DARS2: variants seen among roughly 807,000 people sequenced by gnomAD.
DARS2 encodes the protein aspartate--tRNA ligase, mitochondrial.
Under a neutral mutation model 83.0 loss-of-function variants are expected in DARS2, and 63 were observed. The observed-to-expected ratio is 0.76, with a 90% CI of 0.62 to 0.94. The LOEUF is 0.94. Among genes scored for constraint, DARS2 ranks in the 40% least tolerant of loss-of-function variants. The pLI is 0.00. For synonymous variants in DARS2, 250 were observed against 269.3 expected (o/e 0.93, Z 0.70); for missense variants, 675 against 774.4 (o/e 0.87, Z 1.52).
chr1:173,846,925 TA>T (rs1366995176), intron 12 of DARS2, among the ~76,000 whole-genome samples: 4 of 152,134 alleles, frequency 2.6e-5, no homozygotes, highest in Non-Finnish European at 5.9e-5. Context: ...TTCTAAGACT[TA>T]ATAGAGGAAA....
chr1:173,842,343 G>A (rs1653261877), intron 11 of DARS2, among the ~76,000 whole-genome samples: 1 of 120,076 alleles, frequency 8.3e-6, no homozygotes, highest in Non-Finnish European at 1.6e-5. Flanking sequence ...CTGTCGCCCA[G>A]GCTGGAGTGC....
rs1176316362 is a variant in DARS2, at chr1:173,856,849, A to C, written c.1750+108A>C. 7.7e-6 allele frequency: 6 copies of C among 779,426 alleles called. No homozygotes were observed. In the African/African-American group the frequency reaches 1.0e-4, roughly 14 times the overall value. 48.3% of individuals were successfully genotyped at this position (779,426 alleles called of 1,614,324 possible). ...GTGGAAGGATGAGTCCAAGAGTTCC[A>C]TGAGAATGTAAGTTTCTGTTGAAAT... On this transcript the variant is annotated intron_variant, in intron 16 of 16. Coordinates refer to ENST00000649689, the MANE Select transcript of DARS2 (RefSeq NM_018122.5).
At chr1:173,852,910 A>G (rs958262483) in intron 13 of DARS2, among the ~76,000 whole-genome samples, 2 of 152,154 alleles carry the variant, frequency 1.3e-5, no homozygotes, top group African/African-American at 4.8e-5. Flanking sequence ...CAACCCTTCA[A>G]GAGAAGTGAG....
chr1:173,851,746 G>GT (rs1346157076), intron 13 of DARS2: 1 of 722,280 alleles, frequency 1.4e-6, no homozygotes, highest in Non-Finnish European at 1.7e-6. Context: ...TTAGTATATA[G>GT]TTTTTTCAAA....
intron 11 of DARS2, among the ~76,000 whole-genome samples, chr1:173,842,211 C>T (rs370727659): frequency 7.0e-6 from 1 of 143,576 alleles, no homozygotes; most frequent in African/African-American, 2.6e-5. Context: ...TTTTGAAAGT[C>T]TATACTCATT....
In DARS2 at chr1:173,834,981, C is replaced by T. The variant is rs142827628; in HGVS notation, c.663+462C>T. Among the ~76,000 whole-genome samples, 346 of 151,142 alleles carry T rather than the reference C, an allele frequency of 2.3e-3. 8 individuals are homozygous for T. In the East Asian group the frequency reaches 0.053, roughly 23 times the overall value. On this transcript the variant is annotated intron_variant, in intron 7 of 16. Coordinates refer to ENST00000649689, the MANE Select transcript of DARS2 (RefSeq NM_018122.5). ...TACTTTAGTAGAGACGGAGTTTCAC[C>T]GTTTTGGCCAGGCTGGTCTCGAACA...
chr1:173,837,164 G>A (rs1653035580), intron 8 of DARS2, 118 bp downstream of exon 8: 3 of 922,378 alleles, frequency 3.3e-6, no homozygotes, highest in Non-Finnish European at 3.4e-6. Context: ...ATGAGAGTTT[G>A]GAGAATACTT....
At chr1:173,853,078 T>A (rs2102661953) in intron 13 of DARS2, among the ~76,000 whole-genome samples, 1 of 152,318 alleles carries the variant, frequency 6.6e-6, no homozygotes, top group African/African-American at 2.4e-5. Context: ...CACACTGAGA[T>A]TCAGACCCAG....
At chr1:173,853,965 GTGTTGT>G (rs971806969) in intron 15 of DARS2, 60 bp downstream of exon 15, 3 of 1,444,964 alleles carry the variant, frequency 2.1e-6, no homozygotes, top group Non-Finnish European at 2.9e-6. Flanking sequence ...TTTCAGTTTT[GTGTTGT>G]TGTTGTTGTT....
chr1:173,852,213 G>T (rs1313415358), intron 13 of DARS2: 1 of 985,298 alleles, frequency 1.0e-6, no homozygotes, highest in African/African-American at 1.7e-5. Flanking sequence ...CTAGGCATAT[G>T]TCACTGTTCT....
intron 12 of DARS2, among the ~76,000 whole-genome samples, chr1:173,849,176 C>T (rs1653552353): frequency 6.9e-6 from 1 of 145,342 alleles, no homozygotes; most frequent in African/African-American, 2.6e-5. Flanking sequence ...TTTAATGCTG[C>T]AGAGTTTCTT....
intron 11 of DARS2, among the ~76,000 whole-genome samples, chr1:173,844,042 G>A (rs1653328173): frequency 6.6e-6 from 1 of 152,200 alleles, no homozygotes; most frequent in Non-Finnish European, 1.5e-5. Context: ...TTCCTGGGGG[G>A]AAGAGGGAGT....
chr1:173,849,395 A>G (rs993731572), intron 12 of DARS2, among the ~76,000 whole-genome samples: 4 of 151,910 alleles, frequency 2.6e-5, no homozygotes, highest in Non-Finnish European at 2.9e-5. Flanking sequence ...TTAGCCAGGC[A>G]TGTTGACACA....
intron 2 of DARS2, among the ~76,000 whole-genome samples, chr1:173,827,331 G>A (rs1652619591): frequency 6.6e-6 from 1 of 152,110 alleles, no homozygotes; most frequent in Admixed American, 6.6e-5. Context: ...TAGGTTATAT[G>A]ACCTTCTTAA....
At chr1:173,839,859 G>GT (rs990202114) in intron 10 of DARS2, among the ~76,000 whole-genome samples, 113 of 148,366 alleles carry the variant, frequency 7.6e-4, no homozygotes, top group Non-Finnish European at 7.8e-4. Context: ...TTCCTTTTCA[G>GT]TTTTTTTTTT....
intron 16 of DARS2, among the ~76,000 whole-genome samples, 153 bp downstream of exon 16, chr1:173,856,894 A>G (rs1020897897): frequency 2.0e-5 from 3 of 152,194 alleles, no homozygotes; most frequent in Non-Finnish European, 4.4e-5. Context: ...ATATTTTTTA[A>G]ATATATCTTA....
intron 12 of DARS2, among the ~76,000 whole-genome samples, chr1:173,845,858 CT>C (rs1571992056): frequency 6.6e-6 from 1 of 151,962 alleles, no homozygotes; most frequent in East Asian, 1.9e-4. Flanking sequence ...CCCATCTCTA[CT>C]AAAAATAAAA....
intron 1 of DARS2, 103 bp downstream of exon 1, chr1:173,825,459 ATT>A: frequency 1.1e-5 from 5 of 438,312 alleles, no homozygotes; most frequent in Non-Finnish European, 1.6e-5. Context: ...CATTATTATT[ATT>A]ATTATTATTA....
At chr1:173,844,037 G>C (rs1014073299) in intron 11 of DARS2, among the ~76,000 whole-genome samples, 1 of 152,162 alleles carries the variant, frequency 6.6e-6, no homozygotes, top group African/African-American at 2.4e-5. Flanking sequence ...TAACATTCCT[G>C]GGGGGAAGAG....
Sources: allele counts gnomAD v4.1 joint callset (sites outside exome capture counted in the v4.1 genomes callset), GRCh38; gene constraint gnomAD v4.1.1; transcripts MANE v1.5; gene names NCBI Gene and HGNC (gene_info 2026-07-23, HGNC 2026-07-21).